The following MTUS2 variants were observed in gnomAD, a reference collection of about 807,000 sequenced individuals.
MTUS2 encodes microtubule associated scaffold protein 2.
Under a neutral mutation model 114.1 loss-of-function variants are expected in MTUS2, and 40 were observed. The ratio of observed to expected loss-of-function variants is 0.35; its 90% CI spans 0.27 to 0.46. The LOEUF is 0.46. Ranked by LOEUF, MTUS2 falls within the 20% of genes least tolerant of loss-of-function variation. MTUS2 has a pLI of 1.00. For missense variants in MTUS2, 1,679 were observed against 1,705.4 expected (o/e 0.98, Z 0.27); for synonymous variants, 688 against 672.0 (o/e 1.02, Z -0.37).
chr13:29,449,501 T>C (rs1430879420), intron 9 of MTUS2, among the ~76,000 whole-genome samples: 1 of 152,158 alleles, frequency 6.6e-6, no homozygotes, highest in Admixed American at 6.5e-5. Flanking sequence ...ATTCAAACAG[T>C]AAAGGAGGTA....
chr13:28,950,774 A>G (rs529985211), intron 2 of MTUS2, among the ~76,000 whole-genome samples: 87 of 152,340 alleles, frequency 5.7e-4, no homozygotes, highest in African/African-American at 2.0e-3. Context: ...TCACTGTAAC[A>G]GATATATTAA....
intron 2 of MTUS2, among the ~76,000 whole-genome samples, chr13:28,913,188 G>T (rs1381432171): frequency 6.6e-6 from 1 of 152,104 alleles, no homozygotes; most frequent in Non-Finnish European, 1.5e-5. Flanking sequence ...CTTGTCTTGT[G>T]CCAGTTTTCA....
In MTUS2 at chr13:29,245,989, G is replaced by A. The variant is rs145034974; in HGVS notation, c.2645-35715G>A. Among the ~76,000 whole-genome samples, 916 of 152,262 alleles carry A rather than the reference G, an allele frequency of 6.0e-3. 6 individuals carry two copies. The highest frequency in any genetic ancestry group is 8.8e-3 in the Non-Finnish European group (596 of 68,008). On this transcript the variant is annotated intron_variant, in intron 5 of 15. Transcript: ENST00000612955. The stretch of plus-strand genomic sequence containing the variant: ...TGGGATTACAGGCGTGAGCCACCGC[G>A]CCCAGCCTCATCTATTTTAATATTA...
chr13:29,342,234 C>T (rs1414896446), intron 7 of MTUS2, among the ~76,000 whole-genome samples: 1 of 152,026 alleles, frequency 6.6e-6, no homozygotes, highest in African/African-American at 2.4e-5. Flanking sequence ...TTGTAGATTG[C>T]TTTTGGCAGT....
At chr13:29,044,816 G>GT (rs1887541003) in intron 4 of MTUS2, among the ~76,000 whole-genome samples, 1 of 152,130 alleles carries the variant, frequency 6.6e-6, no homozygotes, top group Non-Finnish European at 1.5e-5. Flanking sequence ...TATCAGCCAG[G>GT]CTGAGTTCTT....
intron 6 of MTUS2, among the ~76,000 whole-genome samples, chr13:29,303,454 AT>A (rs1444538366): frequency 1.3e-5 from 2 of 152,210 alleles, no homozygotes; most frequent in Non-Finnish European, 2.9e-5. Flanking sequence ...GAGGAATATA[AT>A]TGGCCTGATG....
intron 5 of MTUS2, among the ~76,000 whole-genome samples, chr13:29,227,237 C>T: frequency 8.7e-6 from 1 of 114,998 alleles, no homozygotes; most frequent in East Asian, 2.4e-4. Context: ...CCAGCCTTTG[C>T]AACAGAGCAA....
At chr13:29,428,954 G>T in intron 8 of MTUS2, 8 of 1,581,318 alleles carry the variant, frequency 5.1e-6, no homozygotes, top group African/African-American at 1.3e-5. Context: ...CAGAGAGAAA[G>T]CCGTGAGCCA....
In MTUS2 at chr13:29,148,476, T is replaced by TCCTGCC. The variant is rs1313550522; in HGVS notation, c.2644+47506_2644+47507insCCTGCC. Reference sequence around the variant, plus strand: ...GAACATGCTGTGTTTGGTTTTCTTTTTTTTTTTTTTTTTTTTTTTTGAGAC... The same window carrying TCCTGCC: ...GAACATGCTGTGTTTGGTTTTCTTTTCCTGCCTTTTTTTTTTTTTTTTTTTTGAGAC... On this transcript the variant is annotated intron_variant, in intron 5 of 15. Transcript: ENST00000612955. Among the ~76,000 whole-genome samples the TCCTGCC allele has an allele frequency of 3.9e-4, 41 of 104,432 alleles. 1 individual carries two copies. The highest frequency in any genetic ancestry group is 1.5e-3 in the South Asian group (4 of 2,688). 68.5% of individuals were successfully genotyped at this position (104,432 alleles called of 152,430 possible).
intron 5 of MTUS2, among the ~76,000 whole-genome samples, chr13:29,106,645 G>T (rs987225003): frequency 2.0e-5 from 3 of 152,100 alleles, no homozygotes; most frequent in African/African-American, 7.2e-5. Context: ...ATGAGCCACC[G>T]TGCCTGGCCA....
intron 2 of MTUS2, among the ~76,000 whole-genome samples, chr13:28,865,684 A>G (rs114596817): frequency 1.4e-3 from 213 of 152,220 alleles, no homozygotes; most frequent in African/African-American, 4.3e-3. Flanking sequence ...TGCACCATGG[A>G]TGGATTATGG....
intron 2 of MTUS2, among the ~76,000 whole-genome samples, chr13:28,974,743 C>T (rs1404921773): frequency 2.0e-5 from 3 of 152,002 alleles, no homozygotes; most frequent in Non-Finnish European, 2.9e-5. Context: ...GTTATTTTCT[C>T]GGGGCTAATA....
intron 2 of MTUS2, among the ~76,000 whole-genome samples, chr13:28,847,941 C>T (rs1373311740): frequency 6.6e-6 from 1 of 152,186 alleles, no homozygotes; most frequent in East Asian, 1.9e-4. Context: ...GGGCTTTTAC[C>T]AGGGCTTTCT....
intron 2 of MTUS2, among the ~76,000 whole-genome samples, chr13:28,878,443 T>C (rs1163681661): frequency 6.6e-6 from 1 of 152,132 alleles, no homozygotes; most frequent in African/African-American, 2.4e-5. Flanking sequence ...ACCTATGTAT[T>C]AAGTCTTGCA....
At chr13:28,882,986 C>G (rs991001641) in intron 2 of MTUS2, among the ~76,000 whole-genome samples, 1 of 152,126 alleles carries the variant, frequency 6.6e-6, no homozygotes, top group Non-Finnish European at 1.5e-5. Flanking sequence ...TGGGCAAAGA[C>G]ATGAGCAGAC....
chr13:28,966,470 C>T (rs1883587669), intron 2 of MTUS2, among the ~76,000 whole-genome samples: 1 of 152,076 alleles, frequency 6.6e-6, no homozygotes, highest in South Asian at 2.1e-4. Flanking sequence ...ACCTCTAATC[C>T]AAGCACGTTG....
chr13:29,372,128 A>G (rs1566160789), intron 8 of MTUS2, among the ~76,000 whole-genome samples: 1 of 151,348 alleles, frequency 6.6e-6, no homozygotes, highest in East Asian at 1.9e-4. Context: ...TTATTCATCA[A>G]TTGTACCTCA....
At position 29,315,527 on chromosome 13, in the gene MTUS2, T is replaced by C. The variant is rs1160521666; in HGVS notation, c.2807-9086T>C. Among the ~76,000 whole-genome samples the C allele has an allele frequency of 5.3e-5, 8 of 152,308 alleles. No homozygotes were observed. The East Asian group carries it at 1.3e-3, about 26-fold the overall frequency. On this transcript the variant is annotated intron_variant, in intron 6 of 15. Transcript: ENST00000612955. ...GAAAAGGAAAAAATGGAAGAATTAA[T>C]TGCTGGACTGTGCTGTGGCCACAGT...
chr13:29,345,165 G>A (rs1249906213), intron 7 of MTUS2, among the ~76,000 whole-genome samples: 3 of 152,000 alleles, frequency 2.0e-5, no homozygotes, highest in East Asian at 1.9e-4. Flanking sequence ...TAAATTTCCC[G>A]GGTGTTCTTT....
Sources: allele counts gnomAD v4.1 joint callset (sites outside exome capture counted in the v4.1 genomes callset), GRCh38; gene constraint gnomAD v4.1.1; transcripts MANE v1.5; gene names NCBI Gene and HGNC (gene_info 2026-07-23, HGNC 2026-07-21).